CIMIP6: variants seen among roughly 807,000 people sequenced by gnomAD.
CIMIP6 encodes the protein ciliary microtubule inner protein 6.
the CIMIP6 span, among the ~76,000 whole-genome samples, chr2:54,347,143 A>G: frequency 6.6e-6 from 1 of 152,246 alleles, no homozygotes; most frequent in East Asian, 1.9e-4. Context: ...TTGTTTCTAT[A>G]AAACATTCAA....
the CIMIP6 span, chr2:54,360,120 C>A: frequency 6.9e-6 from 10 of 1,448,068 alleles, no homozygotes; most frequent in Non-Finnish European, 9.1e-6. Flanking sequence ...AGGACTTGAG[C>A]TAACGCACAA....
the CIMIP6 span, chr2:54,381,951 A>G: frequency 1.3e-6 from 2 of 1,548,554 alleles, no homozygotes; most frequent in South Asian, 1.2e-5. Flanking sequence ...AGGTGGTTTC[A>G]TGCCATCTTA....
the CIMIP6 span, among the ~76,000 whole-genome samples, chr2:54,371,475 A>G: frequency 6.6e-6 from 1 of 152,188 alleles, no homozygotes; most frequent in South Asian, 2.1e-4. Context: ...GGGAATGGCC[A>G]TGCATTGATG....
At chr2:54,366,984 A>AG in the CIMIP6 span, among the ~76,000 whole-genome samples, 3 of 152,124 alleles carry the variant, frequency 2.0e-5, no homozygotes, top group South Asian at 6.2e-4. Context: ...ACTAAGATAC[A>AG]GGGAGGTTAA....
the CIMIP6 span, among the ~76,000 whole-genome samples, chr2:54,371,474 C>T: frequency 6.6e-6 from 1 of 152,308 alleles, no homozygotes; most frequent in African/African-American, 2.4e-5. Context: ...AGGGAATGGC[C>T]ATGCATTGAT....
the CIMIP6 span, among the ~76,000 whole-genome samples, chr2:54,344,936 A>G: frequency 6.6e-6 from 1 of 152,176 alleles, no homozygotes; most frequent in African/African-American, 2.4e-5. Context: ...TAATTAGCAA[A>G]ACATAACATT....
the CIMIP6 span, chr2:54,360,548 A>G: frequency 6.7e-7 from 1 of 1,492,966 alleles, no homozygotes. Context: ...TCCACCAATT[A>G]AAAAATCAGA....
the CIMIP6 span, among the ~76,000 whole-genome samples, chr2:54,371,511 C>T: frequency 1.3e-5 from 2 of 152,190 alleles, no homozygotes; most frequent in Non-Finnish European, 2.9e-5. Context: ...TCTGAGTGGC[C>T]CTGGGGAAAG....
chr2:54,362,614 C>T, the CIMIP6 span, among the ~76,000 whole-genome samples: 4 of 152,178 alleles, frequency 2.6e-5, no homozygotes, highest in Admixed American at 6.5e-5. Flanking sequence ...GTGCCTTGAT[C>T]TCGGCTCACT....
chr2:54,376,525 A>G, the CIMIP6 span, among the ~76,000 whole-genome samples: 1,065 of 152,320 alleles, frequency 7.0e-3, 44 homozygotes, highest in East Asian at 0.044. Flanking sequence ...ATTTGAGGCT[A>G]TGAATTTCAT....
chr2:54,356,793 G>GT, the CIMIP6 span, among the ~76,000 whole-genome samples: 3 of 152,302 alleles, frequency 2.0e-5, no homozygotes, highest in Non-Finnish European at 4.4e-5. Context: ...AGGAAATGTG[G>GT]TAAAGCCAGA....
At chr2:54,336,937 A>C in the CIMIP6 span, among the ~76,000 whole-genome samples, 1 of 152,324 alleles carries the variant, frequency 6.6e-6, no homozygotes, top group South Asian at 2.1e-4. Context: ...ATGGGGACTT[A>C]TTTGCAGCTG....
At chr2:54,376,261 CT>C in the CIMIP6 span, among the ~76,000 whole-genome samples, 1 of 151,590 alleles carries the variant, frequency 6.6e-6, no homozygotes, top group Admixed American at 6.6e-5. Flanking sequence ...CCGAGCTGGT[CT>C]GCAACCCTCC....
At chr2:54,343,727 G>T in the CIMIP6 span, 3 of 1,590,534 alleles carry the variant, frequency 1.9e-6, no homozygotes, top group Admixed American at 1.8e-5. Flanking sequence ...AAGGGTGACT[G>T]GTGGTCACAT....
the CIMIP6 span, among the ~76,000 whole-genome samples, chr2:54,370,444 A>G: frequency 7.0e-6 from 1 of 143,716 alleles, no homozygotes; most frequent in African/African-American, 2.5e-5. Flanking sequence ...TTTAGTACTA[A>G]AAAAAAAAAC....
chr2:54,383,597 C>G, the CIMIP6 span: 1 of 152,002 alleles, frequency 6.6e-6, no homozygotes, highest in African/African-American at 2.4e-5. Context: ...AGTGCTAATT[C>G]TATGTAATAT....
At chr2:54,348,500 C>T in the CIMIP6 span, among the ~76,000 whole-genome samples, 1 of 151,952 alleles carries the variant, frequency 6.6e-6, no homozygotes, top group Non-Finnish European at 1.5e-5. Flanking sequence ...TGCCCAGATT[C>T]AATAAATATT....
the CIMIP6 span, among the ~76,000 whole-genome samples, chr2:54,352,391 T>G: frequency 6.6e-6 from 1 of 152,204 alleles, no homozygotes; most frequent in African/African-American, 2.4e-5. Flanking sequence ...GTATTTAATC[T>G]GATCCATGGC....
chr2:54,374,139 A>G, the CIMIP6 span, among the ~76,000 whole-genome samples: 282 of 152,336 alleles, frequency 1.9e-3, no homozygotes, highest in Admixed American at 3.9e-3. Context: ...ACTGTGCAGC[A>G]TGCCTGCCAT....
Sources: allele counts gnomAD v4.1 joint callset (sites outside exome capture counted in the v4.1 genomes callset), GRCh38; gene constraint gnomAD v4.1.1; transcripts MANE v1.5; gene names NCBI Gene and HGNC (gene_info 2026-07-23, HGNC 2026-07-21).